HTR1F: variants seen among roughly 807,000 people sequenced by gnomAD.
HTR1F encodes 5-hydroxytryptamine (serotonin) receptor 1F, G protein-coupled.
In HTR1F, 17 loss-of-function variants were observed where a neutral mutation model predicts 24.0. That is an observed-to-expected ratio of 0.71 (90% CI 0.48 to 1.06). HTR1F has a LOEUF of 1.06. HTR1F is among the 50% of genes least tolerant of loss of function. HTR1F has a pLI of 0.00. For missense variants in HTR1F, 391 were observed against 427.8 expected, an observed-to-expected ratio of 0.91 and a Z score of 0.76; for synonymous variants, 186 against 156.8, an observed-to-expected ratio of 1.19 and a Z score of -1.39.
chr3:87,840,009 G>A (rs180991931), intron 2 of HTR1F, among the ~76,000 whole-genome samples: 5 of 151,960 alleles, frequency 3.3e-5, no homozygotes, highest in Non-Finnish European at 7.4e-5. Flanking sequence ...ACCTACCACC[G>A]ATGGACAGAT....
chr3:87,810,157 A>G (rs939455398), intron 1 of HTR1F, among the ~76,000 whole-genome samples: 2 of 152,016 alleles, frequency 1.3e-5, no homozygotes, highest in Non-Finnish European at 2.9e-5. Context: ...ATATATGTTT[A>G]TTCAATTTAA....
chr3:87,861,465 C>T (rs1705316927), intron 2 of HTR1F, among the ~76,000 whole-genome samples: 1 of 152,018 alleles, frequency 6.6e-6, no homozygotes, highest in Non-Finnish European at 1.5e-5. Context: ...AAAATTATTG[C>T]CACATTCATT....
intron 2 of HTR1F, among the ~76,000 whole-genome samples, chr3:87,948,825 G>A (rs570230338): frequency 3.1e-4 from 47 of 152,210 alleles, no homozygotes; most frequent in Admixed American, 2.2e-3. Context: ...GAACTATTCT[G>A]AGAAGACTTA....
intron 2 of HTR1F, among the ~76,000 whole-genome samples, chr3:87,908,064 G>A (rs547268604): frequency 4.6e-5 from 7 of 151,744 alleles, no homozygotes; most frequent in Non-Finnish European, 8.8e-5. Context: ...ATACTTTTTC[G>A]AATCTTTCCA....
chr3:87,873,129 C>CAGAG (rs1430122473), intron 2 of HTR1F, among the ~76,000 whole-genome samples: 3 of 111,912 alleles, frequency 2.7e-5, no homozygotes, highest in East Asian at 3.0e-4. Context: ...CACACACACA[C>CAGAG]ACACAGAGAG....
intron 2 of HTR1F, among the ~76,000 whole-genome samples, chr3:87,856,117 TTATAA>T (rs769360887): frequency 2.0e-5 from 3 of 152,090 alleles, no homozygotes; most frequent in Non-Finnish European, 4.4e-5. Context: ...ATAACCTTTA[TTATAA>T]TATATTGTTA....
At chr3:87,798,865 T>A (rs1703948870) in intron 1 of HTR1F, among the ~76,000 whole-genome samples, 1 of 152,200 alleles carries the variant, frequency 6.6e-6, no homozygotes, top group Non-Finnish European at 1.5e-5. Context: ...CTGACAGCAC[T>A]CTCTTGGTCC....
chr3:87,971,726 A>G (rs1705290139), intron 2 of HTR1F, among the ~76,000 whole-genome samples: 1 of 152,186 alleles, frequency 6.6e-6, no homozygotes, highest in South Asian at 2.1e-4. Flanking sequence ...CAAATAAGCA[A>G]GTACATTTAT....
chr3:87,939,421 A>G (rs1045294424), intron 2 of HTR1F, among the ~76,000 whole-genome samples: 7 of 152,004 alleles, frequency 4.6e-5, no homozygotes, highest in Non-Finnish European at 1.0e-4. Context: ...CTCTTTCTCT[A>G]TTGTTTGGAA....
intron 2 of HTR1F, among the ~76,000 whole-genome samples, chr3:87,878,894 GT>G (rs750849510): frequency 3.3e-5 from 5 of 152,108 alleles, no homozygotes; most frequent in African/African-American, 4.8e-5. Context: ...CTTTGTTAAT[GT>G]TCTGAAACAC....
chr3:87,891,874 C>A (rs1323979860), intron 2 of HTR1F, among the ~76,000 whole-genome samples: 1 of 152,142 alleles, frequency 6.6e-6, no homozygotes, highest in African/African-American at 2.4e-5. Context: ...TTATAATCAC[C>A]ACTGTAATTA....
intron 2 of HTR1F, among the ~76,000 whole-genome samples, chr3:87,943,917 G>A (rs1344811303): frequency 2.0e-5 from 3 of 152,104 alleles, no homozygotes; most frequent in Non-Finnish European, 4.4e-5. Flanking sequence ...TTGCCTTGGG[G>A]GGAACATTTC....
Position 87,991,704 on chromosome 3 carries a change from T to G in HTR1F, c.955T>G (p.Cys319Gly). The G allele has an allele frequency of 6.2e-7, 1 of 1,613,950 alleles. No homozygotes were observed. Residue 319 changes from cysteine (C) to glycine (G), a missense_variant, in exon 3 of 3, where the codon TGT becomes GGT. By Grantham distance (159) the Cys-to-Gly change is radical. Coordinates refer to ENST00000319595, the MANE Select transcript of HTR1F (RefSeq NM_001322209.2). ...FFVKELVVNV[C>G]DKCKISEEMS... Reference sequence around the variant, plus strand: ...TGTAAAAGAATTAGTTGTTAATGTCTGTGACAAATGTAAAATTTCTGAAGA... The same window carrying G: ...TGTAAAAGAATTAGTTGTTAATGTCGGTGACAAATGTAAAATTTCTGAAGA...
intron 2 of HTR1F, among the ~76,000 whole-genome samples, chr3:87,931,413 G>C (rs538402598): frequency 1.4e-3 from 218 of 152,300 alleles, no homozygotes; most frequent in African/African-American, 5.0e-3. Context: ...ATTCCATGGT[G>C]TATATGTGCC....
At position 87,792,829 on chromosome 3, in the gene HTR1F, A is replaced by C. The variant is rs1275782720; in HGVS notation, c.-173A>C. ...CCACCTTGCCAGCTCCGACTGCTGC[A>C]GGGAGCGCCAGGGGTGAGTGTGCGG... On this transcript the variant is annotated 5_prime_UTR_variant, in exon 1 of 3. Transcript: ENST00000319595. Among the ~76,000 whole-genome samples the C allele has an allele frequency of 6.6e-6, 1 of 152,172 alleles. No homozygotes were observed. Among genetic ancestry groups the C allele is most frequent in the Admixed American group, 6.5e-5 (1 of 15,288 alleles).
chr3:87,928,833 AT>A (rs1704190870), intron 2 of HTR1F, among the ~76,000 whole-genome samples: 2 of 152,218 alleles, frequency 1.3e-5, no homozygotes, highest in African/African-American at 4.8e-5. Context: ...AGAAATATAC[AT>A]TTTGTGTGTA....
chr3:87,838,105 C>A (rs996510191), intron 2 of HTR1F, among the ~76,000 whole-genome samples: 2 of 151,966 alleles, frequency 1.3e-5, no homozygotes, highest in South Asian at 4.1e-4. Context: ...TAAAGCTACA[C>A]TCATTAAATA....
At chr3:87,895,132 G>T (rs1360548543) in intron 2 of HTR1F, among the ~76,000 whole-genome samples, 1 of 152,132 alleles carries the variant, frequency 6.6e-6, no homozygotes, top group African/African-American at 2.4e-5. Context: ...ACAGATGTAG[G>T]TTTGCCTTTT....
At position 87,991,873 on chromosome 3, in the gene HTR1F, A is replaced by T. The variant is rs76428532; in HGVS notation, c.*23A>T. The T allele has an allele frequency of 6.6e-7, 1 of 1,526,686 alleles. No homozygotes were observed. The highest frequency in any genetic ancestry group is 2.3e-5 in the East Asian group (1 of 43,796). 94.6% of individuals were successfully genotyped at this position (1,526,686 alleles called of 1,614,324 possible). On this transcript the variant is annotated 3_prime_UTR_variant, in exon 3 of 3. Coordinates refer to ENST00000319595, the MANE Select transcript of HTR1F (RefSeq NM_001322209.2). ...TAGTTTTAAAAATGTTTATTATTGA[A>T]GGATGGGGGTTTTTGAGGGGAGGAA...
Sources: allele counts gnomAD v4.1 joint callset (sites outside exome capture counted in the v4.1 genomes callset), GRCh38; gene constraint gnomAD v4.1.1; transcripts MANE v1.5; gene names NCBI Gene and HGNC (gene_info 2026-07-23, HGNC 2026-07-21).